The following FAM53A variants were observed in gnomAD, a reference collection of about 807,000 sequenced individuals.
FAM53A encodes the protein family with sequence similarity 53 member A, also known as protein FAM53A.
Under a neutral mutation model 26.6 loss-of-function variants are expected in FAM53A, and 28 were observed. The observed-to-expected ratio is 1.05, with a 90% CI of 0.78 to 1.45. The LOEUF is 1.45. Among genes scored for constraint, FAM53A ranks in the 40% most tolerant of loss-of-function variants. The probability of loss-of-function intolerance (pLI) is 0.00; values close to 1 mark genes in which losing one functional copy is unlikely to be tolerated. For missense variants in FAM53A, 650 were observed against 575.8 expected (o/e 1.13, Z -1.32); for synonymous variants, 290 against 253.1 (o/e 1.15, Z -1.38).
At chr4:1,591,003 A>ATATAT in the FAM53A span, among the ~76,000 whole-genome samples, 1 of 62,070 alleles carries the variant, frequency 1.6e-5, no homozygotes, top group Non-Finnish European at 3.5e-5. Context: ...TATATATATA[A>ATATAT]TCATTCTATG....
chr4:1,580,467 G>A, the FAM53A span, among the ~76,000 whole-genome samples: 8 of 152,136 alleles, frequency 5.3e-5, no homozygotes, highest in Non-Finnish European at 1.0e-4. Flanking sequence ...AACAAGCTAG[G>A]GAGAAAGCAT....
chr4:1,654,019 TGGCCCGGAGGATGGG>T (rs1577121957), intron 4 of FAM53A, among the ~76,000 whole-genome samples: 1 of 152,088 alleles, frequency 6.6e-6, no homozygotes, highest in East Asian at 1.9e-4. Flanking sequence ...GGCAAGCCTG[TGGCCCGGAGGATGGG>T]GCTGGGGATG....
intron 2 of FAM53A, among the ~76,000 whole-genome samples, chr4:1,664,870 G>A (rs986845351): frequency 1.3e-5 from 2 of 151,932 alleles, no homozygotes; most frequent in Non-Finnish European, 2.9e-5. Context: ...CCCAACTACT[G>A]AGGAGGCTGA....
the FAM53A span, among the ~76,000 whole-genome samples, chr4:1,591,622 T>C: frequency 6.6e-6 from 1 of 152,174 alleles, no homozygotes. Context: ...AAGGAATAGG[T>C]AGGTCCTGGT....
intron 4 of FAM53A, among the ~76,000 whole-genome samples, chr4:1,642,383 C>T (rs575060082): frequency 3.3e-5 from 5 of 152,270 alleles, no homozygotes; most frequent in South Asian, 2.1e-4. Context: ...TGCCAGGCTC[C>T]GGCCCTCCCT....
intron 4 of FAM53A, chr4:1,644,170 T>C: frequency 6.5e-7 from 1 of 1,533,748 alleles, no homozygotes; most frequent in South Asian, 1.2e-5. Context: ...CGCACCGGGG[T>C]GGCGGGGACG....
downstream of FAM53A, among the ~76,000 whole-genome samples, chr4:1,616,944 T>G (rs1468151782): frequency 2.6e-5 from 4 of 152,146 alleles, no homozygotes; most frequent in African/African-American, 9.7e-5. Flanking sequence ...CAAGACCAGC[T>G]GGGCCAACAG....
At chr4:1,595,815 T>C in the FAM53A span, among the ~76,000 whole-genome samples, 1 of 152,304 alleles carries the variant, frequency 6.6e-6, no homozygotes, top group East Asian at 1.9e-4. Flanking sequence ...GGCCCATCTG[T>C]GGTCTACTGG....
chr4:1,600,529 T>C, the FAM53A span, among the ~76,000 whole-genome samples: 3 of 152,136 alleles, frequency 2.0e-5, no homozygotes, highest in Non-Finnish European at 4.4e-5. Flanking sequence ...GGACCCCACG[T>C]GTGCACTGTC....
downstream of FAM53A, among the ~76,000 whole-genome samples, chr4:1,616,155 T>C (rs1392643021): frequency 2.6e-5 from 4 of 152,116 alleles, no homozygotes; most frequent in Non-Finnish European, 5.9e-5. Flanking sequence ...AGAGGAAGCA[T>C]GTGAGACTGC....
the FAM53A span, among the ~76,000 whole-genome samples, chr4:1,584,020 C>T: frequency 2.0e-5 from 3 of 152,136 alleles, no homozygotes; most frequent in African/African-American, 4.8e-5. Context: ...GCCCCTTTTT[C>T]TTTTGGAGGC....
rs140504250 is a variant in FAM53A at position 1,661,758 on chromosome 4, C to T, written c.76-4290G>A. Among the ~76,000 whole-genome samples the T allele has an allele frequency of 4.4e-4, 67 of 152,332 alleles. No homozygotes were observed. In the East Asian group the frequency reaches 0.013, roughly 29 times the overall value. ...CCACTCCCCTCCCACCGCCTCATGC[C>T]TGTGGTTACTGGTCGTCTGTGTAGG... On this transcript the variant is annotated intron_variant, in intron 2 of 4. Transcript: ENST00000308132.
intron 2 of FAM53A, among the ~76,000 whole-genome samples, chr4:1,660,640 G>A (rs1455567461): frequency 1.3e-5 from 2 of 152,116 alleles, no homozygotes; most frequent in African/African-American, 4.8e-5. Flanking sequence ...TGTAATCCCA[G>A]CTCTTTGGGA....
At chr4:1,674,471 C>T (rs1714894215) in intron 1 of FAM53A, among the ~76,000 whole-genome samples, 1 of 152,164 alleles carries the variant, frequency 6.6e-6, no homozygotes, top group Non-Finnish European at 1.5e-5. Context: ...AAATCGAGGC[C>T]ATCCTGGCTA....
chr4:1,680,797 C>CA (rs147010948), intron 1 of FAM53A, among the ~76,000 whole-genome samples: 13,055 of 147,782 alleles, frequency 0.088, 1,608 homozygotes, highest in African/African-American at 0.28. Context: ...AAAAAACAAA[C>CA]AAAAAAAAAA....
the FAM53A span, among the ~76,000 whole-genome samples, chr4:1,595,905 G>C: frequency 2.6e-5 from 4 of 152,204 alleles, no homozygotes; most frequent in African/African-American, 4.8e-5. Context: ...CTGTGGTGCA[G>C]GTGCTCAGTG....
rs76861798 is a variant in FAM53A at position 1,623,728 on chromosome 4, G to A, written c.432-5617C>T. ...ACTCAGCCTGCGGAGGAGTGCGGCC[G>A]CCGCGGATCGGACGTTACCATACAT... is the stretch of plus-strand genomic sequence containing the variant. On this transcript the variant is annotated intron_variant, in intron 1 of 1. Coordinates refer to the FAM53A transcript ENST00000489029. Among the ~76,000 whole-genome samples the A allele has an allele frequency of 2.2e-4, 34 of 152,378 alleles. No individual in the cohort carries two copies. The East Asian group carries it at 4.2e-3, about 19-fold the overall frequency.
chr4:1,631,714 C>G (rs1715620260), intron 1 of FAM53A, among the ~76,000 whole-genome samples: 1 of 152,144 alleles, frequency 6.6e-6, no homozygotes, highest in Non-Finnish European at 1.5e-5. Context: ...CCAAATCAAC[C>G]AGCAAACACG....
At chr4:1,661,772 C>T (rs1713853052) in intron 2 of FAM53A, among the ~76,000 whole-genome samples, 1 of 152,184 alleles carries the variant, frequency 6.6e-6, no homozygotes. Context: ...GGTTACTGGT[C>T]GTCTGTGTAG....
Sources: allele counts gnomAD v4.1 joint callset (sites outside exome capture counted in the v4.1 genomes callset), GRCh38; gene constraint gnomAD v4.1.1; transcripts MANE v1.5; gene names NCBI Gene and HGNC (gene_info 2026-07-23, HGNC 2026-07-21).